XPNPEP3: variants seen among roughly 807,000 people sequenced by gnomAD.
The protein encoded by XPNPEP3 is xaa-Pro aminopeptidase 3.
In XPNPEP3, 41 loss-of-function variants were observed where a neutral mutation model predicts 60.0. The observed-to-expected ratio is 0.68, with a 90% CI of 0.53 to 0.89. The LOEUF (loss-of-function observed/expected upper bound fraction) is 0.89. Among genes scored for constraint, XPNPEP3 ranks in the 40% least tolerant of loss-of-function variants. XPNPEP3 has a pLI of 0.00. For missense variants in XPNPEP3, 598 were observed against 638.9 expected, an observed-to-expected ratio of 0.94 and a Z score of 0.69; for synonymous variants, 212 against 223.2, an observed-to-expected ratio of 0.95 and a Z score of 0.45.
At chr22:40,895,246 C>T (rs2058103205) in intron 4 of XPNPEP3, among the ~76,000 whole-genome samples, 1 of 152,106 alleles carries the variant, frequency 6.6e-6, no homozygotes, top group African/African-American at 2.4e-5. Flanking sequence ...GCATATAGTT[C>T]ATTTCCATTT....
rs2058254303 is a variant in XPNPEP3, at chr22:40,931,439, T to G, written c.*5004T>G. The G allele has an allele frequency of 1.3e-5, 2 of 152,138 alleles. No individual in the cohort carries two copies. The highest frequency in any genetic ancestry group is 6.6e-5 in the Admixed American group (1 of 15,258). 9.4% of individuals were successfully genotyped at this position (152,138 alleles called of 1,614,324 possible). On this transcript the variant is annotated 3_prime_UTR_variant, in exon 10 of 10. Transcript: ENST00000357137. ...GTATAAATACTATAGTAAAGTTGGGTGCAGTGGATCACAGCTATAATCCCA... is the reference window on the plus strand; with the variant it reads ...GTATAAATACTATAGTAAAGTTGGGGGCAGTGGATCACAGCTATAATCCCA...
At chr22:40,912,530 C>T (rs757694025) in intron 6 of XPNPEP3, among the ~76,000 whole-genome samples, 2 of 151,982 alleles carry the variant, frequency 1.3e-5, no homozygotes, top group Non-Finnish European at 2.9e-5. Context: ...TTTGCCTTTT[C>T]TCCTTACTGT....
chr22:40,861,104 AC>A (rs745926679), intron 1 of XPNPEP3: 5 of 1,610,718 alleles, frequency 3.1e-6, no homozygotes, highest in Non-Finnish European at 4.2e-6. Flanking sequence ...GCACCTCTTT[AC>A]GCTTCTTTTT....
At chr22:40,865,325 CTTTTT>C (rs11365518) in intron 1 of XPNPEP3, among the ~76,000 whole-genome samples, 7 of 112,634 alleles carry the variant, frequency 6.2e-5, no homozygotes, top group Admixed American at 2.0e-4. Context: ...GCCCTCCTCA[CTTTTT>C]TTTTTTTTTT....
At chr22:40,867,654 T>C (rs1413119610) in intron 1 of XPNPEP3, among the ~76,000 whole-genome samples, 1 of 151,986 alleles carries the variant, frequency 6.6e-6, no homozygotes, top group East Asian at 1.9e-4. Context: ...TCCCAGCTAC[T>C]TGGGAGGCTG....
chr22:40,881,771 G>A lies in XPNPEP3; in HGVS notation c.183G>A (p.Gly61=), dbSNP rs2146250112. The A allele has an allele frequency of 1.2e-6, 2 of 1,613,990 alleles. No homozygotes were observed. The highest frequency in any genetic ancestry group is 2.7e-5 in the African/African-American group (2 of 75,014). ...ATCCCTTTTATTTGTCATTTCTAGG[G>A]GAGGTAACTCCAGGACTATCTCAGG... ...PFTHPHLLRP[G]EVTPGLSQVE... is the part of the protein sequence containing the mutation. Residue 61 remains glycine, a splice_region_variant and synonymous_variant, in exon 3 of 10, where the codon GGG becomes GGA. Transcript: ENST00000357137.
chr22:40,904,745 TG>T (rs1301652592), intron 4 of XPNPEP3, among the ~76,000 whole-genome samples: 1 of 152,152 alleles, frequency 6.6e-6, no homozygotes, highest in Non-Finnish European at 1.5e-5. Flanking sequence ...TGTGTGCAAG[TG>T]TCCTTTAATT....
intron 1 of XPNPEP3, among the ~76,000 whole-genome samples, chr22:40,866,706 AT>A (rs1232621116): frequency 6.6e-6 from 1 of 152,212 alleles, no homozygotes; most frequent in Non-Finnish European, 1.5e-5. Context: ...TTTGCTACTA[AT>A]TATATGACTT....
intron 4 of XPNPEP3, among the ~76,000 whole-genome samples, chr22:40,891,621 C>T (rs1306443767): frequency 6.6e-6 from 1 of 151,694 alleles, no homozygotes; most frequent in Admixed American, 6.6e-5. Context: ...CCACTGCACT[C>T]CAGCCTGGGT....
intron 3 of XPNPEP3, among the ~76,000 whole-genome samples, chr22:40,885,526 G>A (rs2058065254): frequency 6.6e-6 from 1 of 152,164 alleles, no homozygotes; most frequent in South Asian, 2.1e-4. Flanking sequence ...GCTCCAGAAT[G>A]GGAGGAGAAC....
intron 4 of XPNPEP3, among the ~76,000 whole-genome samples, chr22:40,892,253 C>T (rs568681688): frequency 6.6e-6 from 1 of 152,002 alleles, no homozygotes; most frequent in South Asian, 2.1e-4. Flanking sequence ...GGCACAGTCT[C>T]GGCTCACTGC....
At chr22:40,871,120 T>C (rs994872191) in intron 2 of XPNPEP3, among the ~76,000 whole-genome samples, 8 of 152,092 alleles carry the variant, frequency 5.3e-5, no homozygotes, top group African/African-American at 1.9e-4. Context: ...CCCAACACTT[T>C]GGAAAGACAA....
intron 6 of XPNPEP3, among the ~76,000 whole-genome samples, chr22:40,913,684 A>G (rs971998061): frequency 2.2e-4 from 33 of 152,080 alleles, no homozygotes; most frequent in African/African-American, 7.7e-4. Context: ...CAAAGCCTAT[A>G]CACTGAAACA....
intron 4 of XPNPEP3, chr22:40,907,058 G>A: frequency 2.2e-6 from 1 of 456,298 alleles, no homozygotes. Context: ...CACCCCAATG[G>A]GGATTAAATT....
intron 5 of XPNPEP3, 127 bp from the exon 6 acceptor site, chr22:40,908,995 T>A (rs573050367): frequency 1.3e-6 from 1 of 757,840 alleles, no homozygotes; most frequent in South Asian, 1.5e-5. Context: ...TGGTTAGATA[T>A]GATGAATAGC....
chr22:40,900,474 C>T (rs558439544), intron 4 of XPNPEP3, among the ~76,000 whole-genome samples: 2 of 151,896 alleles, frequency 1.3e-5, no homozygotes, highest in Admixed American at 6.6e-5. Context: ...GGCATGGTGG[C>T]GGGTGCCTGT....
At chr22:40,893,204 A>G (rs2058095072) in intron 4 of XPNPEP3, among the ~76,000 whole-genome samples, 1 of 149,064 alleles carries the variant, frequency 6.7e-6, no homozygotes, top group African/African-American at 2.4e-5. Context: ...TGCTTTCCCA[A>G]CACAGATCCT....
chr22:40,919,896 A>G (rs980220633), intron 7 of XPNPEP3, among the ~76,000 whole-genome samples: 1 of 152,186 alleles, frequency 6.6e-6, no homozygotes, highest in Non-Finnish European at 1.5e-5. Flanking sequence ...ACCACCATGG[A>G]TGTACTGCAT....
chr22:40,897,426 T>C (rs2058113197), intron 4 of XPNPEP3, among the ~76,000 whole-genome samples: 1 of 152,156 alleles, frequency 6.6e-6, no homozygotes, highest in African/African-American at 2.4e-5. Context: ...CAAATAATTA[T>C]TCAGGTCCCT....
Sources: gnomAD v4.1 joint callset for allele counts (sites outside exome capture counted in the v4.1 genomes callset) on GRCh38, gnomAD v4.1.1 for gene constraint, MANE v1.5 for transcripts, NCBI Gene and HGNC (gene_info 2026-07-23, HGNC 2026-07-21) for gene names.